Variants in AMPH observed in about 807,000 individuals in gnomAD.
The protein encoded by AMPH is amphiphysin (Stiff-Mann syndrome with breast cancer 128kD autoantigen).
In AMPH, 49 loss-of-function variants were observed where a neutral mutation model predicts 99.1. The observed-to-expected ratio is 0.49, with a 90% CI of 0.39 to 0.63. The LOEUF (loss-of-function observed/expected upper bound fraction) is 0.63, where lower values mean the gene tolerates loss of function less well. Among genes scored for constraint, AMPH ranks in the 20% least tolerant of loss-of-function variants. The probability of loss-of-function intolerance (pLI) is 0.00; values close to 1 mark genes in which losing one functional copy is unlikely to be tolerated. For missense variants in AMPH, 759 were observed against 863.4 expected, an observed-to-expected ratio of 0.88 and a Z score of 1.52; for synonymous variants, 314 against 317.3, an observed-to-expected ratio of 0.99 and a Z score of 0.11.
chr7:38,598,172 A>T, intron 1 of AMPH, among the ~76,000 whole-genome samples: 1 of 152,364 alleles, frequency 6.6e-6, no homozygotes, highest in South Asian at 2.1e-4. Flanking sequence ...ATATCCAACA[A>T]GATAAGGTCA....
At chr7:38,507,825 GA>G (rs1789386826) in intron 2 of AMPH, among the ~76,000 whole-genome samples, 1 of 152,166 alleles carries the variant, frequency 6.6e-6, no homozygotes, top group Non-Finnish European at 1.5e-5. Flanking sequence ...ATGGCAACAG[GA>G]GGGCAGGGGA....
intron 3 of AMPH, among the ~76,000 whole-genome samples, chr7:38,500,034 C>T (rs1789077525): frequency 1.3e-5 from 2 of 152,198 alleles, no homozygotes; most frequent in Non-Finnish European, 2.9e-5. Flanking sequence ...ATTACCCAGT[C>T]TGGGGGCATG....
chr7:38,535,816 A>C (rs1454893451), intron 1 of AMPH, among the ~76,000 whole-genome samples: 1 of 152,110 alleles, frequency 6.6e-6, no homozygotes, highest in African/African-American at 2.4e-5. Flanking sequence ...ATCTGACAGG[A>C]GGCGGAGCTC....
intron 5 of AMPH, among the ~76,000 whole-genome samples, chr7:38,481,719 T>C: frequency 6.6e-6 from 1 of 152,122 alleles, no homozygotes; most frequent in South Asian, 2.1e-4. Flanking sequence ...TGGGCTCAAG[T>C]AAATATTTGG....
At chr7:38,418,357 CAGAG>C (rs1272487707) in intron 16 of AMPH, among the ~76,000 whole-genome samples, 5 of 151,940 alleles carry the variant, frequency 3.3e-5, no homozygotes, top group Admixed American at 1.3e-4. Context: ...GAGGCAGAGA[CAGAG>C]AGAAAGGATT....
intron 1 of AMPH, among the ~76,000 whole-genome samples, chr7:38,593,012 G>T (rs1284349092): frequency 6.6e-6 from 1 of 152,084 alleles, no homozygotes; most frequent in African/African-American, 2.4e-5. Flanking sequence ...CAACTAAATT[G>T]CAAGTGATCC....
chr7:38,542,124 G>A (rs77604667), intron 1 of AMPH, among the ~76,000 whole-genome samples: 3,547 of 152,304 alleles, frequency 0.023, 163 homozygotes, highest in African/African-American at 0.08. Context: ...TAGCATCCAA[G>A]ATGGTCCTCT....
intron 7 of AMPH, among the ~76,000 whole-genome samples, chr7:38,470,000 A>G (rs1787818625): frequency 6.6e-6 from 1 of 152,040 alleles, no homozygotes; most frequent in South Asian, 2.1e-4. Flanking sequence ...CCTCTGTGAG[A>G]TCAATGCACT....
intron 1 of AMPH, among the ~76,000 whole-genome samples, chr7:38,593,455 C>T (rs1792933401): frequency 1.3e-5 from 2 of 152,346 alleles, no homozygotes; most frequent in South Asian, 4.1e-4. Flanking sequence ...GGGTAACAAG[C>T]AGCGTTCCTG....
At chr7:38,437,546 C>T (rs916542198) in intron 11 of AMPH, among the ~76,000 whole-genome samples, 1 of 149,516 alleles carries the variant, frequency 6.7e-6, no homozygotes, top group African/African-American at 2.5e-5. Flanking sequence ...CTTTGGGAGG[C>T]CGAGGTGGGC....
At chr7:38,407,459 A>G (rs1562733498) in intron 17 of AMPH, among the ~76,000 whole-genome samples, 2 of 151,906 alleles carry the variant, frequency 1.3e-5, no homozygotes, top group South Asian at 2.1e-4. Context: ...TGGAGCTCCA[A>G]AAGTGGAGAC....
intron 3 of AMPH, among the ~76,000 whole-genome samples, chr7:38,495,172 T>C (rs1036588306): frequency 1.3e-5 from 2 of 152,186 alleles, no homozygotes; most frequent in African/African-American, 4.8e-5. Context: ...ATACGATGAA[T>C]AATGAAACCA....
Position 38,462,878 on chromosome 7 carries a change from CTT to C in AMPH, c.888+95_888+96del. The C allele has an allele frequency of 3.0e-6, 4 of 1,351,450 alleles. No individual in the cohort carries two copies. The Admixed American group carries it at 9.9e-5, about 34-fold the overall frequency. The allele number at this position is 1,351,450 out of a possible 1,614,324, so 83.7% of individuals were successfully genotyped here. A position where few individuals can be genotyped will look rare whatever the true frequency, so the allele number is the denominator to read the frequency against. ...ACATCTCAGTCTCCCTAACTGGAAA[CTT>C]CTCTTAAAGCCCCGGCACCGTGGGA... On this transcript the variant is annotated intron_variant, in intron 10 of 20. Coordinates refer to ENST00000356264, the MANE Select transcript of AMPH (RefSeq NM_001635.4).
intron 1 of AMPH, among the ~76,000 whole-genome samples, chr7:38,599,972 T>A (rs1196434497): frequency 1.3e-5 from 2 of 152,072 alleles, no homozygotes; most frequent in Admixed American, 6.6e-5. Context: ...TATTTTCTTA[T>A]AATATATTCC....
At chr7:38,458,573 C>A (rs1469395800) in intron 11 of AMPH, among the ~76,000 whole-genome samples, 1 of 152,060 alleles carries the variant, frequency 6.6e-6, no homozygotes. Flanking sequence ...AAACAATAAA[C>A]CTAATATATC....
chr7:38,574,821 C>CG (rs34594861), intron 1 of AMPH, among the ~76,000 whole-genome samples: 1 of 151,818 alleles, frequency 6.6e-6, no homozygotes, highest in Admixed American at 6.6e-5. Flanking sequence ...TTTGGGAGGC[C>CG]GGGGCGGGCA....
At chr7:38,522,855 A>T (rs1790021841) in intron 2 of AMPH, among the ~76,000 whole-genome samples, 1 of 152,152 alleles carries the variant, frequency 6.6e-6, no homozygotes, top group African/African-American at 2.4e-5. Flanking sequence ...CACGCCTGTA[A>T]TCCAGCATTT....
chr7:38,388,292 A>G (rs1483787751), intron 20 of AMPH, among the ~76,000 whole-genome samples: 2 of 152,038 alleles, frequency 1.3e-5, no homozygotes, highest in Non-Finnish European at 2.9e-5. Flanking sequence ...GGGATTTTTA[A>G]TATCTTTGAG....
Position 38,429,510 on chromosome 7 carries a change from G to A in AMPH, c.1182+332C>T, listed in dbSNP as rs375913701. On this transcript the variant is annotated intron_variant, in intron 14 of 20. Coordinates refer to ENST00000356264, the MANE Select transcript of AMPH (RefSeq NM_001635.4). ...ATTTTGAGATCTTTGAATTTCTTCG[G>A]CCAACCCACTGTCTGGAGTTTCCTC... is the stretch of plus-strand genomic sequence containing the variant. 6 of 1,363,662 alleles carry A rather than the reference G, an allele frequency of 4.4e-6. No individual in the cohort carries two copies. The African/African-American group carries it at 8.7e-5, about 20-fold the overall frequency. The allele number at this position is 1,363,662 out of a possible 1,614,324, so 84.5% of individuals were successfully genotyped here. A position where few individuals can be genotyped will look rare whatever the true frequency, so the allele number is the denominator to read the frequency against.
Sources: allele counts gnomAD v4.1 joint callset (sites outside exome capture counted in the v4.1 genomes callset), GRCh38; gene constraint gnomAD v4.1.1; transcripts MANE v1.5; gene names NCBI Gene and HGNC (gene_info 2026-07-23, HGNC 2026-07-21).